Variants in SHANK2 observed in about 807,000 individuals in gnomAD.
SHANK2 encodes the protein SH3 and multiple ankyrin repeat domains protein 2.
SHANK2 carries 43 observed loss-of-function variants against 133.7 expected under a neutral mutation model. The observed-to-expected ratio is 0.32, with a 90% confidence interval of 0.25 to 0.41. The LOEUF is 0.41. SHANK2 is among the 10% of genes least tolerant of loss of function. The probability of loss-of-function intolerance (pLI) is 1.00; values close to 1 mark genes in which losing one functional copy is unlikely to be tolerated. For missense variants in SHANK2, 1,994 were observed against 2,235.8 expected, an observed-to-expected ratio of 0.89 and a Z score of 2.18; for synonymous variants, 1,017 against 952.8, an observed-to-expected ratio of 1.07 and a Z score of -1.24.
chr11:70,822,529 G>A (rs983441029), intron 11 of SHANK2, among the ~76,000 whole-genome samples: 15 of 152,054 alleles, frequency 9.9e-5, no homozygotes, highest in Non-Finnish European at 2.1e-4. Flanking sequence ...GTTCATGAGG[G>A]ACAGAGGTGG....
At chr11:71,077,817 C>G (rs1376616619) in intron 8 of SHANK2, among the ~76,000 whole-genome samples, 3 of 152,144 alleles carry the variant, frequency 2.0e-5, no homozygotes, top group Non-Finnish European at 4.4e-5. Flanking sequence ...GGGAGCTGGG[C>G]TCTCACTGTC....
chr11:70,748,580 A>C (rs1332597883), intron 14 of SHANK2, among the ~76,000 whole-genome samples: 2 of 152,172 alleles, frequency 1.3e-5, no homozygotes, highest in East Asian at 3.9e-4. Flanking sequence ...CCAACAGTCC[A>C]CCTTTAAAAT....
chr11:70,610,413 T>C (rs1254276017), intron 17 of SHANK2, among the ~76,000 whole-genome samples: 1 of 152,128 alleles, frequency 6.6e-6, no homozygotes, highest in African/African-American at 2.4e-5. Flanking sequence ...CTCCTGCCAC[T>C]GATGCCAAGG....
Position 70,540,204 on chromosome 11 carries a change from C to T in SHANK2, c.2062-37273G>A, listed in dbSNP as rs575913233. 7.9e-5 allele frequency among the ~76,000 whole-genome samples: 12 copies of T among 152,288 alleles called. No individual in the cohort carries two copies. In the South Asian group the frequency reaches 1.4e-3, roughly 18 times the overall value. On this transcript the variant is annotated intron_variant, in intron 17 of 25. Transcript: ENST00000601538. ...AGGGGAACACGATTCATTCCACAGC[C>T]GTGAGTTATGGGCATGCTTGTCTCA... is the stretch of plus-strand genomic sequence containing the variant.
At chr11:71,214,400 G>C (rs992117895) in intron 2 of SHANK2, among the ~76,000 whole-genome samples, 2 of 152,148 alleles carry the variant, frequency 1.3e-5, no homozygotes, top group African/African-American at 4.8e-5. Flanking sequence ...GGCCCTAGAG[G>C]GACACCCTCC....
chr11:70,632,317 G>T (rs1555002511), intron 17 of SHANK2, among the ~76,000 whole-genome samples: 1 of 151,934 alleles, frequency 6.6e-6, no homozygotes, highest in Admixed American at 6.6e-5. Context: ...AGTAGAGACG[G>T]GGTTTTACCG....
rs1954945137 is a variant in SHANK2, at chr11:71,245,242, A to C, written c.-113+7183T>G. Among the ~76,000 whole-genome samples the C allele has an allele frequency of 1.3e-5, 2 of 152,130 alleles. 1 individual carries two copies. The highest frequency in any genetic ancestry group is 4.1e-4 in the South Asian group (2 of 4,822). ...CAATCCTCCTGCCTCAGCCTCCCAA[A>C]GTGCTGGGATTACAGGCCTGAGCCA... On this transcript the variant is annotated intron_variant, in intron 1 of 25. Coordinates refer to ENST00000601538, the MANE Select transcript of SHANK2 (RefSeq NM_012309.5).
chr11:70,717,013 T>C (rs1180719729), intron 14 of SHANK2, among the ~76,000 whole-genome samples: 3 of 151,644 alleles, frequency 2.0e-5, no homozygotes, highest in African/African-American at 4.9e-5. Context: ...TAAACCATTA[T>C]GCAGCCTGCA....
chr11:70,841,138 G>C (rs1036200811), intron 11 of SHANK2, among the ~76,000 whole-genome samples: 1 of 152,180 alleles, frequency 6.6e-6, no homozygotes, highest in Non-Finnish European at 1.5e-5. Flanking sequence ...AGGCATGGTA[G>C]CGGGCACCTA....
chr11:70,914,717 T>TAAAATAAAATAAAATAAAAC lies in SHANK2; in HGVS notation c.1108-18151_1108-18150insGTTTTATTTTATTTTATTTT, dbSNP rs1489678395. Among the ~76,000 whole-genome samples the TAAAATAAAATAAAATAAAAC allele has an allele frequency of 5.8e-4, 84 of 145,468 alleles. 1 individual carries two copies. Among genetic ancestry groups the TAAAATAAAATAAAATAAAAC allele is most frequent in the Admixed American group, 1.8e-3 (26 of 14,800 alleles). On this transcript the variant is annotated intron_variant, in intron 10 of 25. Transcript: ENST00000601538. ...TAAAATAAAATAAAATAAAATAAAA[T>TAAAATAAAATAAAATAAAAC]AAAACAAAACAAAACAAAGTAAAAT...
rs554461046 is a variant in SHANK2, at chr11:70,468,843, G to A, written c.*4026C>T. ...AAAGACAACAAGTTTTCACTGGTGA[G>A]GCCAAAGAAGAAGTTCAACGTTTAG... On this transcript the variant is annotated 3_prime_UTR_variant, in exon 26 of 26. Transcript: ENST00000601538. 10 of 152,370 alleles carry A rather than the reference G, an allele frequency of 6.6e-5. No individual in the cohort carries two copies. The highest frequency in any genetic ancestry group is 2.0e-4 in the Admixed American group (3 of 15,308). The allele number at this position is 152,370 out of a possible 1,614,324, so 9.4% of individuals were successfully genotyped here.
intron 9 of SHANK2, among the ~76,000 whole-genome samples, chr11:71,066,155 G>GGT (rs1951058595): frequency 2.9e-5 from 1 of 34,644 alleles, no homozygotes; most frequent in African/African-American, 1.3e-4. Context: ...GGGTGGGGGG[G>GGT]GTGCAGAACT....
At chr11:71,218,167 A>G (rs1954453637) in intron 2 of SHANK2, among the ~76,000 whole-genome samples, 1 of 151,648 alleles carries the variant, frequency 6.6e-6, no homozygotes, top group South Asian at 2.1e-4. Context: ...GCCAAGAGGT[A>G]TTTTTTTAAA....
At chr11:70,745,888 G>C (rs567106469) in intron 14 of SHANK2, among the ~76,000 whole-genome samples, 2 of 152,230 alleles carry the variant, frequency 1.3e-5, no homozygotes, top group Non-Finnish European at 2.9e-5. Flanking sequence ...TCGAGCGAGC[G>C]TTATTCCTTC....
chr11:70,673,294 A>T (rs1555016516), intron 15 of SHANK2, among the ~76,000 whole-genome samples: 1 of 102,178 alleles, frequency 9.8e-6, no homozygotes, highest in African/African-American at 7.7e-5. Flanking sequence ...ATGTTCTTTA[A>T]AAAAAAAAAA....
At chr11:70,783,982 G>A (rs2135128674) in intron 14 of SHANK2, among the ~76,000 whole-genome samples, 1 of 152,254 alleles carries the variant, frequency 6.6e-6, no homozygotes, top group South Asian at 2.1e-4. Flanking sequence ...ACAGACTCAG[G>A]GGGTGTGAGA....
At position 70,542,023 on chromosome 11, in the gene SHANK2, T is replaced by C. The variant is rs1387427538; in HGVS notation, c.2062-39092A>G. On this transcript the variant is annotated intron_variant, in intron 17 of 25. Coordinates refer to ENST00000601538, the MANE Select transcript of SHANK2 (RefSeq NM_012309.5). ...GCCCAGGATCCACGCTACTCCTCTGTGCACGGGCCACTGAGTGCCCAGTAG... is the reference window on the plus strand; with the variant it reads ...GCCCAGGATCCACGCTACTCCTCTGCGCACGGGCCACTGAGTGCCCAGTAG... Among the ~76,000 whole-genome samples the C allele has an allele frequency of 3.3e-5, 5 of 152,332 alleles. No homozygotes were observed. The East Asian group carries it at 9.6e-4, about 29-fold the overall frequency.
rs142557545 is a variant in SHANK2 at position 70,715,347 on chromosome 11, T to A, written c.1778-16584A>T. On this transcript the variant is annotated intron_variant, in intron 14 of 25. Coordinates refer to ENST00000601538, the MANE Select transcript of SHANK2 (RefSeq NM_012309.5). Reference sequence around the variant, plus strand: ...CCCGCCACTGGGCTCCTTTGCCTGCTTTGTAAGCTCAGTGGATGCCTCCCA... The same window carrying A: ...CCCGCCACTGGGCTCCTTTGCCTGCATTGTAAGCTCAGTGGATGCCTCCCA... Among the ~76,000 whole-genome samples the A allele has an allele frequency of 1.6e-3, 250 of 152,332 alleles. 3 individuals are homozygous for A. Among genetic ancestry groups the A allele is most frequent in the African/African-American group, 5.9e-3 (244 of 41,578 alleles).
chr11:70,941,437 C>A (rs1228043497), intron 10 of SHANK2, among the ~76,000 whole-genome samples: 1 of 152,182 alleles, frequency 6.6e-6, no homozygotes, highest in Non-Finnish European at 1.5e-5. Flanking sequence ...ATACTCCTGA[C>A]CTGAAACATA....
Sources: allele counts gnomAD v4.1 joint callset (sites outside exome capture counted in the v4.1 genomes callset), GRCh38; gene constraint gnomAD v4.1.1; transcripts MANE v1.5; gene names NCBI Gene and HGNC (gene_info 2026-07-23, HGNC 2026-07-21).